DPP10: variants seen among roughly 807,000 people sequenced by gnomAD.
DPP10 encodes the protein dipeptidyl peptidase like 10, also known as inactive dipeptidyl peptidase 10.
A neutral mutation model predicts 120.9 loss-of-function variants in DPP10; 33 were observed. The observed-to-expected ratio is 0.27, with a 90% CI of 0.21 to 0.37. The LOEUF (loss-of-function observed/expected upper bound fraction) is 0.37. Ranked by LOEUF, DPP10 falls within the 10% of genes least tolerant of loss-of-function variation. The pLI is 1.00. For missense variants in DPP10, 816 were observed against 942.8 expected, an observed-to-expected ratio of 0.87 and a Z score of 1.76; for synonymous variants, 337 against 326.1, an observed-to-expected ratio of 1.03 and a Z score of -0.36.
At chr2:114,999,289 T>C (rs12711815) in intron 1 of DPP10, among the ~76,000 whole-genome samples, 148,690 of 152,234 alleles carry the variant, frequency 0.98, 72,717 homozygotes, top group Middle Eastern at 1. Context: ...AAGAGAGAGG[T>C]TTCATCAATA....
At chr2:115,231,629 A>T in intron 1 of DPP10, among the ~76,000 whole-genome samples, 1 of 152,198 alleles carries the variant, frequency 6.6e-6, no homozygotes, top group East Asian at 1.9e-4. Flanking sequence ...AATTTCGCCT[A>T]TAACATCACT....
chr2:115,643,521 T>G (rs780010392), intron 5 of DPP10, among the ~76,000 whole-genome samples: 2 of 152,094 alleles, frequency 1.3e-5, no homozygotes, highest in Admixed American at 6.6e-5. Flanking sequence ...ATATAATAGA[T>G]TAAAACAAAA....
At chr2:115,545,271 A>T (rs1416015616) in intron 5 of DPP10, among the ~76,000 whole-genome samples, 2 of 152,148 alleles carry the variant, frequency 1.3e-5, no homozygotes, top group African/African-American at 2.4e-5. Context: ...TCACATATCT[A>T]CTCATTCATT....
At chr2:114,879,199 A>G (rs769984843) in intron 1 of DPP10, among the ~76,000 whole-genome samples, 23 of 149,512 alleles carry the variant, frequency 1.5e-4, no homozygotes, top group Admixed American at 1.1e-3. Context: ...AAATTAGCAT[A>G]TATTTATTAA....
intron 7 of DPP10, among the ~76,000 whole-genome samples, chr2:115,696,607 A>C (rs1197057981): frequency 6.6e-6 from 1 of 152,204 alleles, no homozygotes; most frequent in Non-Finnish European, 1.5e-5. Flanking sequence ...AAGAATTACT[A>C]GTGGGAGTCC....
intron 1 of DPP10, among the ~76,000 whole-genome samples, chr2:114,961,709 C>T (rs1028142770): frequency 6.6e-6 from 1 of 151,848 alleles, no homozygotes; most frequent in Admixed American, 6.6e-5. Context: ...TATAAAAGTA[C>T]TCAGGAGGCC....
intron 3 of DPP10, among the ~76,000 whole-genome samples, chr2:115,417,203 T>A (rs777061786): frequency 1.3e-5 from 2 of 152,150 alleles, no homozygotes; most frequent in Non-Finnish European, 2.9e-5. Context: ...GTTCTTCCAA[T>A]ATTAATTACT....
chr2:114,505,092 AAC>A (rs1491357951), intron 1 of DPP10, among the ~76,000 whole-genome samples: 2 of 150,344 alleles, frequency 1.3e-5, no homozygotes, highest in Non-Finnish European at 3.0e-5. Flanking sequence ...AAACTGAGGT[AAC>A]ACAGATCAAC....
At chr2:115,514,238 A>G (rs969634466) in intron 4 of DPP10, among the ~76,000 whole-genome samples, 3 of 151,784 alleles carry the variant, frequency 2.0e-5, no homozygotes, top group African/African-American at 2.4e-5. Context: ...CTATGTGTGG[A>G]TCTTTTTGAG....
chr2:115,198,793 C>T (rs2055477513), intron 1 of DPP10, among the ~76,000 whole-genome samples: 1 of 152,034 alleles, frequency 6.6e-6, no homozygotes, highest in Admixed American at 6.6e-5. Context: ...TGTCAAACTC[C>T]AGCATGGGGT....
At chr2:114,888,157 A>G (rs1161503110) in intron 1 of DPP10, among the ~76,000 whole-genome samples, 2 of 151,680 alleles carry the variant, frequency 1.3e-5, no homozygotes, top group Non-Finnish European at 2.9e-5. Context: ...AAAAAAAAAA[A>G]AAAGAAAAGA....
At chr2:115,477,854 A>G (rs1165279951) in intron 3 of DPP10, among the ~76,000 whole-genome samples, 1 of 152,150 alleles carries the variant, frequency 6.6e-6, no homozygotes, top group Non-Finnish European at 1.5e-5. Context: ...TGGGTAATTT[A>G]TAAGGAAAAT....
intron 7 of DPP10, among the ~76,000 whole-genome samples, chr2:115,695,631 G>A (rs182688349): frequency 6.6e-6 from 1 of 152,116 alleles, no homozygotes; most frequent in African/African-American, 2.4e-5. Context: ...TCCCTACCAT[G>A]ACATGTGGGA....
intron 19 of DPP10, among the ~76,000 whole-genome samples, chr2:115,795,568 C>G (rs538133932): frequency 2.0e-5 from 3 of 152,214 alleles, no homozygotes; most frequent in African/African-American, 7.2e-5. Flanking sequence ...TCATTTTTAT[C>G]TAGAGTCTCA....
intron 1 of DPP10, among the ~76,000 whole-genome samples, chr2:114,524,526 G>A (rs1207533140): frequency 6.6e-6 from 1 of 152,208 alleles, no homozygotes; most frequent in Non-Finnish European, 1.5e-5. Context: ...ATGCAGAACA[G>A]GTTGCTTGTT....
intron 1 of DPP10, among the ~76,000 whole-genome samples, chr2:114,638,602 T>A (rs1302219323): frequency 6.6e-6 from 1 of 151,816 alleles, no homozygotes; most frequent in East Asian, 1.9e-4. Context: ...TCAGAGTGAC[T>A]TTTATTAAAA....
chr2:115,781,757 C>T (rs546530774), intron 16 of DPP10, among the ~76,000 whole-genome samples: 2,910 of 151,458 alleles, frequency 0.019, 102 homozygotes, highest in African/African-American at 0.066. Flanking sequence ...TTAATGACAC[C>T]AGGAAAAAAA....
At chr2:114,497,694 G>C (rs1048559748) in intron 1 of DPP10, among the ~76,000 whole-genome samples, 1 of 152,232 alleles carries the variant, frequency 6.6e-6, no homozygotes, top group South Asian at 2.1e-4. Context: ...AGACTCAGAG[G>C]ATTTAAGTAA....
At chr2:114,802,032 G>A (rs1684298293) in intron 1 of DPP10, among the ~76,000 whole-genome samples, 1 of 152,124 alleles carries the variant, frequency 6.6e-6, no homozygotes, top group Non-Finnish European at 1.5e-5. Flanking sequence ...TATTAATATG[G>A]CATTAGACAT....
Sources: gnomAD v4.1 joint callset for allele counts (sites outside exome capture counted in the v4.1 genomes callset) on GRCh38, gnomAD v4.1.1 for gene constraint, MANE v1.5 for transcripts, NCBI Gene and HGNC (gene_info 2026-07-23, HGNC 2026-07-21) for gene names.